MAN2A1: variants seen among roughly 807,000 people sequenced by gnomAD.
MAN2A1 encodes the protein alpha-mannosidase 2.
In MAN2A1, 76 loss-of-function variants were observed where a neutral mutation model predicts 142.6. That is an observed-to-expected ratio of 0.53 (90% confidence interval 0.44 to 0.65). The LOEUF (loss-of-function observed/expected upper bound fraction) is 0.65, where lower values mean the gene tolerates loss of function less well. Among genes scored for constraint, MAN2A1 ranks in the 30% least tolerant of loss-of-function variants. The pLI is 0.00. For missense variants in MAN2A1, 1,311 were observed against 1,365.1 expected, an observed-to-expected ratio of 0.96 and a Z score of 0.62; for synonymous variants, 559 against 473.2, an observed-to-expected ratio of 1.18 and a Z score of -2.35.
rs145555183 is a variant in MAN2A1, at chr5:109,768,397, A to G, written c.1009+689A>G. On this transcript the variant is annotated intron_variant, in intron 6 of 21. Coordinates refer to ENST00000261483, the MANE Select transcript of MAN2A1 (RefSeq NM_002372.4). ...TTCATTCTCATTTAATCTTTTTAAT[A>G]TTATTCTTTTTTTATGGTGAAGCAA... Among the ~76,000 whole-genome samples, 9 of 152,226 alleles carry G rather than the reference A, an allele frequency of 5.9e-5. No homozygotes were observed. The East Asian group carries it at 1.4e-3, about 23-fold the overall frequency.
chr5:109,840,083 G>A (rs1282083318), intron 16 of MAN2A1: 2 of 170,974 alleles, frequency 1.2e-5, no homozygotes, highest in African/African-American at 2.4e-5. Flanking sequence ...ACAAGATTAT[G>A]CATTTGCGGT....
At position 109,732,489 on chromosome 5, in the gene MAN2A1, A is replaced by G. The variant is rs377094025; in HGVS notation, c.707+2976A>G. On this transcript the variant is annotated intron_variant, in intron 4 of 21. Coordinates refer to ENST00000261483, the MANE Select transcript of MAN2A1 (RefSeq NM_002372.4). The stretch of plus-strand genomic sequence containing the variant: ...TAGGTTTTCTTCTAGGGTTTTTATG[A>G]TTTTAGGTCTAACGTTTAAGTCTTT... Among the ~76,000 whole-genome samples the G allele has an allele frequency of 4.1e-3, 621 of 151,862 alleles. 7 individuals are homozygous for G. The highest frequency in any genetic ancestry group is 2.8e-3 in the African/African-American group (116 of 41,458).
Position 109,733,517 on chromosome 5 carries a change from T to C in MAN2A1, c.707+4004T>C, listed in dbSNP as rs1264325160. Among the ~76,000 whole-genome samples the C allele has an allele frequency of 4.6e-5, 7 of 152,328 alleles. No individual in the cohort carries two copies. The East Asian group carries it at 1.3e-3, about 29-fold the overall frequency. On this transcript the variant is annotated intron_variant, in intron 4 of 21. Coordinates refer to ENST00000261483, the MANE Select transcript of MAN2A1 (RefSeq NM_002372.4). ...GTAGGTTTGTCATAGAAAGCTCTTATTATTTTGAGATACGTCCCATCAATA... is the reference window on the plus strand; with the variant it reads ...GTAGGTTTGTCATAGAAAGCTCTTACTATTTTGAGATACGTCCCATCAATA...
At chr5:109,778,552 G>T (rs1753358463) in intron 8 of MAN2A1, among the ~76,000 whole-genome samples, 1 of 151,942 alleles carries the variant, frequency 6.6e-6, no homozygotes, top group Non-Finnish European at 1.5e-5. Flanking sequence ...TTCATGACCA[G>T]ATACTAAATT....
At chr5:109,783,892 G>A (rs1378154674) in intron 9 of MAN2A1, among the ~76,000 whole-genome samples, 1 of 151,882 alleles carries the variant, frequency 6.6e-6, no homozygotes, top group Non-Finnish European at 1.5e-5. Flanking sequence ...AAGAGACAGA[G>A]TCTTGCTCTG....
At chr5:109,745,516 A>G (rs1276891322) in intron 4 of MAN2A1, among the ~76,000 whole-genome samples, 2 of 152,170 alleles carry the variant, frequency 1.3e-5, no homozygotes, top group Non-Finnish European at 2.9e-5. Context: ...TGAATAAAGT[A>G]TTGTTTACTA....
intron 20 of MAN2A1, chr5:109,862,441 C>G (rs953838470): frequency 6.6e-6 from 1 of 152,166 alleles, no homozygotes; most frequent in African/African-American, 2.4e-5. Context: ...AATTCAGCCT[C>G]GAAAGTGATC....
At chr5:109,773,641 T>C (rs1753209031) in intron 7 of MAN2A1, among the ~76,000 whole-genome samples, 1 of 152,192 alleles carries the variant, frequency 6.6e-6, no homozygotes, top group Non-Finnish European at 1.5e-5. Flanking sequence ...GCTGTGGTTA[T>C]ATTTTACTCA....
chr5:109,867,942 T>G lies in MAN2A1; in HGVS notation c.*944T>G, dbSNP rs1343053631. ...GTGGGTACTTTCTATGACACATAAA[T>G]TGTGTAATTTTTGCCTGACAATGCT... On this transcript the variant is annotated 3_prime_UTR_variant, in exon 22 of 22. Transcript: ENST00000261483. 2 of 152,292 alleles carry G rather than the reference T, an allele frequency of 1.3e-5. No individual in the cohort carries two copies. Among genetic ancestry groups the G allele is most frequent in the East Asian group, 3.9e-4 (2 of 5,182 alleles). 9.4% of individuals were successfully genotyped at this position (152,292 alleles called of 1,614,324 possible).
intron 5 of MAN2A1, among the ~76,000 whole-genome samples, chr5:109,766,467 A>G (rs1467119961): frequency 6.6e-6 from 1 of 152,160 alleles, no homozygotes; most frequent in African/African-American, 2.4e-5. Flanking sequence ...GGTCCCCTGT[A>G]GATCCTGACT....
intron 7 of MAN2A1, among the ~76,000 whole-genome samples, chr5:109,774,478 G>C (rs1026135892): frequency 1.3e-5 from 2 of 151,798 alleles, no homozygotes; most frequent in African/African-American, 4.8e-5. Context: ...GAAGTCCTTG[G>C]TACCCCACTT....
Position 109,855,168 on chromosome 5 carries a change from C to T in MAN2A1, c.3005C>T (p.Pro1002Leu). ...GAAGAAAAGAAGTCGGTCAGTTATC[C>T]TTCTCTCCTTAGCCACATAACTTCT... ...TEEEKKSVSYPSLLSHITSSL... is the reference protein window; with the variant it reads ...TEEEKKSVSYLSLLSHITSSL... Residue 1002 changes from proline (P) to leucine (L), a missense_variant, in exon 20 of 22, where the codon CCT (proline) becomes CTT (leucine). Transcript: ENST00000261483. The T allele has an allele frequency of 6.4e-7, 1 of 1,570,034 alleles. No homozygotes were observed. The highest frequency in any genetic ancestry group is 1.2e-5 in the South Asian group (1 of 81,230).
intron 8 of MAN2A1, 90 bp from the exon 9 acceptor site, chr5:109,781,306 A>T: frequency 1.4e-6 from 1 of 692,894 alleles, no homozygotes; most frequent in African/African-American, 1.8e-5. Context: ...AACACATGTT[A>T]AATATTTATT....
intron 3 of MAN2A1, among the ~76,000 whole-genome samples, chr5:109,726,463 G>T (rs112674001): frequency 2.0e-5 from 3 of 152,134 alleles, no homozygotes; most frequent in Non-Finnish European, 4.4e-5. Flanking sequence ...ATGCTGTATG[G>T]TGGTGATATC....
intron 4 of MAN2A1, among the ~76,000 whole-genome samples, chr5:109,730,728 C>A: frequency 6.6e-6 from 1 of 152,112 alleles, no homozygotes; most frequent in East Asian, 1.9e-4. Flanking sequence ...TAATAATCTT[C>A]TAAACAATTC....
intron 19 of MAN2A1, 27 bp downstream of exon 19, chr5:109,847,817 G>C: frequency 1.4e-6 from 2 of 1,434,432 alleles, no homozygotes; most frequent in Non-Finnish European, 1.8e-6. Context: ...AGCATGATCT[G>C]ATATTGATTG....
intron 17 of MAN2A1, among the ~76,000 whole-genome samples, chr5:109,843,546 T>C (rs565272039): frequency 6.6e-6 from 1 of 152,212 alleles, no homozygotes; most frequent in Non-Finnish European, 1.5e-5. Context: ...GATCTAATAA[T>C]GGGCCCTTGT....
intron 2 of MAN2A1, among the ~76,000 whole-genome samples, chr5:109,715,899 G>A (rs1429089356): frequency 6.6e-6 from 1 of 152,036 alleles, no homozygotes; most frequent in East Asian, 1.9e-4. Flanking sequence ...AAGCGGATGG[G>A]AGGGATTATT....
chr5:109,698,543 T>C (rs1015934287), intron 1 of MAN2A1, among the ~76,000 whole-genome samples: 1 of 151,748 alleles, frequency 6.6e-6, no homozygotes, highest in Non-Finnish European at 1.5e-5. Flanking sequence ...TTTTTAAGTA[T>C]TTGTTTTTTT....
Sources: allele counts gnomAD v4.1 joint callset (sites outside exome capture counted in the v4.1 genomes callset), GRCh38; gene constraint gnomAD v4.1.1; transcripts MANE v1.5; gene names NCBI Gene and HGNC (gene_info 2026-07-23, HGNC 2026-07-21).